Variants in ADAMTS10 observed in about 807,000 individuals in gnomAD.
The protein encoded by ADAMTS10 is A disintegrin and metalloproteinase with thrombospondin motifs 10.
A neutral mutation model predicts 135.9 loss-of-function variants in ADAMTS10; 48 were observed. The observed-to-expected ratio is 0.35, with a 90% CI of 0.28 to 0.45. The LOEUF is 0.45. ADAMTS10 is among the 20% of genes least tolerant of loss of function. The probability of loss-of-function intolerance (pLI) is 1.00; values close to 1 mark genes in which losing one functional copy is unlikely to be tolerated. For missense variants in ADAMTS10, 1,131 were observed against 1,565.2 expected (o/e 0.72, Z 4.68); for synonymous variants, 621 against 647.5 (o/e 0.96, Z 0.62).
intron 13 of ADAMTS10, 30 bp from the exon 14 acceptor site, chr19:8,592,133 T>A: frequency 6.2e-7 from 1 of 1,613,010 alleles, no homozygotes; most frequent in Non-Finnish European, 8.5e-7. Flanking sequence ...AAGGAGTGAG[T>A]CCAGCCCGGA....
In ADAMTS10 at chr19:8,589,369, C is replaced by G. The variant is rs200668290; in HGVS notation, c.2035-4G>C. ...GGACTCGGTCGCAGCCCACGTGCTG[C>G]GTGGAGAAGGCGTGAGTGAGGCGAC... On this transcript the variant is annotated splice_region_variant and splice_polypyrimidine_tract_variant and intron_variant, in intron 17 of 25. Transcript: ENST00000597188. The G allele has an allele frequency of 6.2e-7, 1 of 1,612,034 alleles. No individual in the cohort carries two copies. Among genetic ancestry groups the G allele is most frequent in the Non-Finnish European group, 8.5e-7 (1 of 1,179,914 alleles).
rs1555738129 is a variant in ADAMTS10 at position 8,589,280 on chromosome 19, G to T, written c.2120C>A (p.Thr707Asn). Residue 707 changes from threonine (T) to asparagine (N), a missense_variant, in exon 18 of 26, where the codon ACC (threonine) becomes AAC (asparagine). Transcript: ENST00000597188. Reference sequence around the variant, plus strand: ...GGCTGGGCTGAAGACGCCCTCGATGGTCTCGCAGGCACTGCCGTCACCGCC... The same window carrying T: ...GGCTGGGCTGAAGACGCCCTCGATGTTCTCGCAGGCACTGCCGTCACCGCC... ...VCGGDGSACE[T>N]IEGVFSPASP... 1 of 1,612,524 alleles carries T rather than the reference G, an allele frequency of 6.2e-7. No individual in the cohort carries two copies.
At chr19:8,586,946 G>T (rs555115321) in intron 18 of ADAMTS10, 50 bp from the exon 19 acceptor site, 3 of 1,589,976 alleles carry the variant, frequency 1.9e-6, no homozygotes, top group Non-Finnish European at 2.6e-6. Flanking sequence ...CCCAACACCT[G>T]CCTGCCTCCC....
chr19:8,605,299 T>G lies in ADAMTS10; in HGVS notation c.148A>C (p.Asn50His), dbSNP rs782184264. The G allele has an allele frequency of 1.9e-6, 3 of 1,612,268 alleles. No individual in the cohort carries two copies. The African/African-American group carries it at 4.0e-5, about 21-fold the overall frequency. Reference protein sequence around the residue: ...EIAFPTRVDHNGALLAFSPPP... With the variant: ...EIAFPTRVDHHGALLAFSPPP... Reference sequence around the variant, plus strand: ...GGCGAGAAGGCCAGCAGTGCCCCGTTGTGGTCCACGCGGGTGGGGAAGGCG... The same window carrying G: ...GGCGAGAAGGCCAGCAGTGCCCCGTGGTGGTCCACGCGGGTGGGGAAGGCG... The change falls in exon 4 of 26, where the codon AAC becomes CAC. Residue 50 changes from asparagine to histidine, a missense_variant. Physicochemically the swap from Asn to His is moderately conservative, Grantham distance 68 (BLOSUM62 1). Around this residue, in one of 3 missense-constraint regions of ADAMTS10, gnomAD observed 306 missense variants for 344.4 expected, o/e 0.89. Transcript: ENST00000597188. This position sits in a 1 kb window ranked among gnomAD's most constrained non-coding sequence, Gnocchi z 7.7.
chr19:8,607,935 C>G (rs1033661390), intron 2 of ADAMTS10, among the ~76,000 whole-genome samples, 199 bp downstream of exon 2: 6 of 151,110 alleles, frequency 4.0e-5, no homozygotes, highest in Admixed American at 2.6e-4. Context: ...TTCAGCCTCC[C>G]GAGTAGCTGG....
chr19:8,591,391 G>A (rs1014093492), intron 15 of ADAMTS10, among the ~76,000 whole-genome samples: 7 of 151,826 alleles, frequency 4.6e-5, no homozygotes, highest in African/African-American at 1.7e-4. Flanking sequence ...GCGGCTGCAG[G>A]TTCCCCAGGA....
At chr19:8,597,880 T>C (rs1398374090) in intron 6 of ADAMTS10, among the ~76,000 whole-genome samples, 1 of 151,660 alleles carries the variant, frequency 6.6e-6, no homozygotes, top group African/African-American at 2.4e-5. Flanking sequence ...CTCAGCTCAC[T>C]GCAACCTCCG....
chr19:8,600,896 G>A (rs2042662674), intron 6 of ADAMTS10, 32 bp downstream of exon 6: 1 of 1,613,076 alleles, frequency 6.2e-7, no homozygotes, highest in South Asian at 1.1e-5. Context: ...AAGTCCTCAG[G>A]GCTGCGTGCC....
chr19:8,582,421 T>C (rs1174664919), intron 25 of ADAMTS10: 1 of 152,048 alleles, frequency 6.6e-6, no homozygotes, highest in East Asian at 1.9e-4. Context: ...TGAGCGGAGA[T>C]TGCATCACTG....
Position 8,592,867 on chromosome 19 carries a change from C to T in ADAMTS10, c.1483G>A (p.Val495Ile), listed in dbSNP as rs1555739473. ...CTCAGACACCACAGCTCGCTGCAGA[C>T]CTCCTGCGGGCCGAGGTGCCCGCTC... ...VKSRQCKYGE[V>I]CSELWCLSKS... Residue 495 changes from valine (V) to isoleucine (I), a missense_variant, in exon 13 of 26, where the codon GTC becomes ATC. By Grantham distance (29) the Val-to-Ile change is conservative (BLOSUM62 3). Coordinates refer to ENST00000597188, the MANE Select transcript of ADAMTS10 (RefSeq NM_030957.4). The T allele has an allele frequency of 1.2e-6, 2 of 1,611,036 alleles. No individual in the cohort carries two copies. Among genetic ancestry groups the T allele is most frequent in the Non-Finnish European group, 1.7e-6 (2 of 1,179,694 alleles).
chr19:8,596,863 A>T lies in ADAMTS10; in HGVS notation c.1040+124T>A. On this transcript the variant is annotated intron_variant, in intron 8 of 25. Transcript: ENST00000597188. The surrounding 1 kb of genome is among the most constrained non-coding windows in gnomAD (Gnocchi z 7.2). ...GCCCCTCCCCATCCCTGGCTCCCTC[A>T]TGGGCAGCCCAAACTTCTCTGCTCC... 1.3e-6 allele frequency: 2 copies of T among 1,486,720 alleles called. No homozygotes were observed. Among genetic ancestry groups the T allele is most frequent in the Non-Finnish European group, 1.8e-6 (2 of 1,087,510 alleles). 92.1% of individuals were successfully genotyped at this position (1,486,720 alleles called of 1,614,324 possible).
At chr19:8,595,503 CCCCAG>C (rs1300084456) in intron 12 of ADAMTS10, 9 of 521,224 alleles carry the variant, frequency 1.7e-5, no homozygotes, top group Admixed American at 6.0e-5. Flanking sequence ...GAAGCTGGCC[CCCCAG>C]CCCAGCCCTC....
chr19:8,595,618 A>C (rs1329667190), intron 12 of ADAMTS10, 144 bp downstream of exon 12: 11 of 1,311,040 alleles, frequency 8.4e-6, no homozygotes, highest in African/African-American at 1.4e-5. Context: ...CTGTCCTCCC[A>C]GGTCACCATG....
Position 8,589,253 on chromosome 19 carries a change from G to A in ADAMTS10, c.2147C>T (p.Ser716Leu). Reference sequence around the variant, plus strand: ...CTGGAGACTCTCACCGGCCCCAGGTGAGGCTGGGCTGAAGACGCCCTCGAT... The same window carrying A: ...CTGGAGACTCTCACCGGCCCCAGGTAAGGCTGGGCTGAAGACGCCCTCGAT... The part of the protein sequence containing the change: ...ETIEGVFSPA[S>L]PGAGYEDVVW... Residue 716 changes from serine to leucine, a missense_variant, in exon 18 of 26, where the codon TCA becomes TTA. Ser to Leu is a moderately radical substitution (Grantham distance 145). Coordinates refer to ENST00000597188, the MANE Select transcript of ADAMTS10 (RefSeq NM_030957.4). 1.9e-6 allele frequency: 3 copies of A among 1,612,708 alleles called. No individual in the cohort carries two copies. Among genetic ancestry groups the A allele is most frequent in the South Asian group, 1.1e-5 (1 of 91,084 alleles).
intron 13 of ADAMTS10, chr19:8,592,330 G>A (rs1555739206): frequency 7.1e-6 from 6 of 847,918 alleles, no homozygotes; most frequent in Non-Finnish European, 8.9e-6. Flanking sequence ...TTAACGGGGA[G>A]GGGTGTAGAC....
rs781915507 is a variant in ADAMTS10, at chr19:8,586,589, A to G, written c.2372T>C (p.Leu791Pro). 1.2e-6 allele frequency: 2 copies of G among 1,613,990 alleles called. No homozygotes were observed. Among genetic ancestry groups the G allele is most frequent in the South Asian group, 2.2e-5 (2 of 91,084 alleles). ...GATGAGAGATGCATTAATCGGTCCC[A>G]GGGCTTCGAGGCTCTGGACCTGGTC... ...GPDQVQSLEA[L>P]GPINASLIVM... The change falls in exon 20 of 26, where the codon CTG (leucine) becomes CCG (proline). Residue 791 changes from leucine (L) to proline (P), a missense_variant. By Grantham distance (98) the Leu-to-Pro change is moderately conservative. Coordinates refer to ENST00000597188, the MANE Select transcript of ADAMTS10 (RefSeq NM_030957.4).
intron 12 of ADAMTS10, among the ~76,000 whole-genome samples, chr19:8,594,621 C>T (rs1262225037): frequency 2.0e-5 from 3 of 152,156 alleles, no homozygotes; most frequent in African/African-American, 7.2e-5. Flanking sequence ...CCAGCTCTGT[C>T]ATGGTCTCAA....
At position 8,596,500 on chromosome 19, in the gene ADAMTS10, C is replaced by T. The variant is rs782267476; in HGVS notation, c.1084+42G>A. 1 of 1,613,804 alleles carries T rather than the reference C, an allele frequency of 6.2e-7. No individual in the cohort carries two copies. The highest frequency in any genetic ancestry group is 1.3e-5 in the African/African-American group (1 of 75,054). On this transcript the variant is annotated intron_variant, in intron 9 of 25. Coordinates refer to ENST00000597188, the MANE Select transcript of ADAMTS10 (RefSeq NM_030957.4). The surrounding 1 kb of genome is among the most constrained non-coding windows in gnomAD (Gnocchi z 7.2). ...CCACCTGCCAGGTCTCACCCCAGCCCACTGCCTTCATAGGCGCCTGAAACC... is the reference window on the plus strand; with the variant it reads ...CCACCTGCCAGGTCTCACCCCAGCCTACTGCCTTCATAGGCGCCTGAAACC...
rs782052453 is a variant in ADAMTS10 at position 8,591,993 on chromosome 19, G to A, written c.1698C>T (p.Gly566=). The change falls in exon 14 of 26, where the codon GGC becomes GGT. Residue 566 remains glycine (G), a synonymous_variant. Transcript: ENST00000597188. ...CGCAGTGACGGCTAGAAGAGGACAC[G>A]CCGCCGCCACAGGTCCGGCTGCAGT... The part of the protein sequence containing the change: ...WGDCSRTCGG[G]VSSSSRHCDS... The A allele has an allele frequency of 1.2e-6, 2 of 1,613,234 alleles. No individual in the cohort carries two copies. Among genetic ancestry groups the A allele is most frequent in the Non-Finnish European group, 1.7e-6 (2 of 1,179,758 alleles).
Sources: gnomAD v4.1 joint callset for allele counts (sites outside exome capture counted in the v4.1 genomes callset) on GRCh38, gnomAD v4.1.1 for gene constraint, gnomAD v4.1.1 regional missense constraint, Gnocchi (gnomAD v3.1) non-coding constraint, MANE v1.5 for transcripts, NCBI Gene and HGNC (gene_info 2026-07-23, HGNC 2026-07-21) for gene names.